Variants in USH2A observed in about 807,000 individuals in gnomAD.
USH2A encodes Usher syndrome 2A (autosomal recessive, mild).
Under a neutral mutation model 538.9 loss-of-function variants are expected in USH2A, and 443 were observed. The observed-to-expected ratio is 0.82, with a 90% CI of 0.76 to 0.89. The LOEUF (loss-of-function observed/expected upper bound fraction) is 0.89, where lower values mean the gene tolerates loss of function less well. Among genes scored for constraint, USH2A ranks in the 40% least tolerant of loss-of-function variants. The pLI, the probability that USH2A is intolerant of heterozygous loss-of-function variation, is 0.00. For missense variants in USH2A, 6,633 were observed against 6,324.8 expected (o/e 1.05, Z -1.65); for synonymous variants, 2,413 against 2,273.5 (o/e 1.06, Z -1.75).
chr1:216,292,303 T>C lies in USH2A; in HGVS notation c.1712A>G (p.Asn571Ser), dbSNP rs372955644. ...GCTGTTGCATTGACAAGGTTTACAA[T>C]TGAAAGCGTAAACTTGATCACCTTG... The part of the protein sequence containing the change: ...FRQGDQVYAF[N>S]CKPCQCNSHS... The change falls in exon 10 of 72, where the codon AAT (asparagine) becomes AGT (serine). Residue 571 changes from asparagine to serine, a missense_variant. Physicochemically the swap from Asn to Ser is conservative, Grantham distance 46 (BLOSUM62 1). Transcript: ENST00000307340. 56 of 1,613,950 alleles carry C rather than the reference T, an allele frequency of 3.5e-5. 1 individual carries two copies. The South Asian group carries it at 4.1e-4, about 12-fold the overall frequency.
chr1:216,023,072 A>T (rs1405067329), intron 32 of USH2A, among the ~76,000 whole-genome samples: 1 of 152,168 alleles, frequency 6.6e-6, no homozygotes, highest in Admixed American at 6.5e-5. Flanking sequence ...CATCTACAGC[A>T]GGTGAGGGCA....
At chr1:215,954,413 A>G (rs1667009368) in intron 37 of USH2A, among the ~76,000 whole-genome samples, 1 of 152,038 alleles carries the variant, frequency 6.6e-6, no homozygotes, top group Non-Finnish European at 1.5e-5. Context: ...TGTACTTTGT[A>G]GGGACATAGA....
chr1:215,756,897 A>T (rs1282121108), intron 58 of USH2A, among the ~76,000 whole-genome samples: 1 of 151,818 alleles, frequency 6.6e-6, no homozygotes, highest in Non-Finnish European at 1.5e-5. Context: ...TGGGTGACAG[A>T]GAGAGAGACC....
intron 68 of USH2A, 82 bp downstream of exon 68, chr1:215,640,475 CT>C: frequency 6.4e-7 from 1 of 1,572,416 alleles, no homozygotes; most frequent in Non-Finnish European, 8.7e-7. Context: ...TGAGCATCTG[CT>C]GGTCAGCTTT....
At chr1:216,087,512 C>T (rs572649092) in intron 23 of USH2A, among the ~76,000 whole-genome samples, 20 of 152,154 alleles carry the variant, frequency 1.3e-4, no homozygotes, top group Non-Finnish European at 2.6e-4. Context: ...CAGGCTTGCT[C>T]GACATTAAGG....
intron 30 of USH2A, among the ~76,000 whole-genome samples, chr1:216,052,577 G>GT (rs1337138460): frequency 6.6e-6 from 1 of 152,064 alleles, no homozygotes; most frequent in Non-Finnish European, 1.5e-5. Context: ...CAAACCAACT[G>GT]ATAATTTTCC....
intron 21 of USH2A, among the ~76,000 whole-genome samples, chr1:216,119,671 T>A (rs1039505858): frequency 6.6e-6 from 1 of 152,148 alleles, no homozygotes; most frequent in Non-Finnish European, 1.5e-5. Context: ...TAAACAAAAT[T>A]GAGCATGTAT....
intron 61 of USH2A, among the ~76,000 whole-genome samples, chr1:215,690,726 T>C (rs1046173052): frequency 9.0e-5 from 6 of 66,416 alleles, no homozygotes; most frequent in African/African-American, 2.6e-4. Context: ...TTTGGATTCA[T>C]TTTCTCTTTT....
chr1:215,626,371 C>CCAGT (rs1197051281), intron 71 of USH2A, among the ~76,000 whole-genome samples: 1 of 150,830 alleles, frequency 6.6e-6, no homozygotes, highest in African/African-American at 2.4e-5. Context: ...ACCATGTTGG[C>CCAGT]CAGTCTGGTC....
At chr1:216,354,823 A>C (rs1202103131) in intron 4 of USH2A, among the ~76,000 whole-genome samples, 1 of 152,086 alleles carries the variant, frequency 6.6e-6, no homozygotes, top group African/African-American at 2.4e-5. Flanking sequence ...GGAAGCAAAA[A>C]AAGGAAAAAA....
chr1:215,826,265 G>T (rs1454611352), intron 47 of USH2A, among the ~76,000 whole-genome samples: 1 of 152,146 alleles, frequency 6.6e-6, no homozygotes, highest in African/African-American at 2.4e-5. Flanking sequence ...GGAATGTTCT[G>T]CTCTTTTGGC....
chr1:215,865,141 G>A (rs1664435640), intron 44 of USH2A, among the ~76,000 whole-genome samples: 1 of 152,138 alleles, frequency 6.6e-6, no homozygotes, highest in Non-Finnish European at 1.5e-5. Context: ...ACCTTTCACA[G>A]AGGATCGACT....
At chr1:216,164,830 C>A (rs2102631580) in intron 21 of USH2A, among the ~76,000 whole-genome samples, 1 of 152,232 alleles carries the variant, frequency 6.6e-6, no homozygotes, top group South Asian at 2.1e-4. Context: ...TTACAGAATG[C>A]TGGTCACAAA....
At chr1:216,197,306 A>T (rs1359441474) in intron 18 of USH2A, among the ~76,000 whole-genome samples, 1 of 152,132 alleles carries the variant, frequency 6.6e-6, no homozygotes, top group Non-Finnish European at 1.5e-5. Flanking sequence ...CTTTACAGGG[A>T]TTTTAAATGT....
chr1:216,133,464 A>G (rs2033418615), intron 21 of USH2A, among the ~76,000 whole-genome samples: 1 of 152,076 alleles, frequency 6.6e-6, no homozygotes, highest in African/African-American at 2.4e-5. Flanking sequence ...TCATGGTAGA[A>G]CTCAAAATAG....
At position 216,048,579 on chromosome 1, in the gene USH2A, A is replaced by C. The variant is rs878853412; in HGVS notation, c.6118T>G (p.Cys2040Gly). The C allele has an allele frequency of 2.0e-5, 33 of 1,614,144 alleles. No homozygotes were observed. Among genetic ancestry groups the C allele is most frequent in the Non-Finnish European group, 2.8e-5 (33 of 1,179,982 alleles). ...TTCAATGCATGTGAGCTCTCAGTACAGCCAGCCAAAGTGCAAGCAGTTAGG... is the reference window on the plus strand; with the variant it reads ...TTCAATGCATGTGAGCTCTCAGTACCGCCAGCCAAAGTGCAAGCAGTTAGG... Reference protein sequence around the residue: ...VTLTACTLAGCTESSHALNIS... With the variant: ...VTLTACTLAGGTESSHALNIS... The change falls in exon 31 of 72, where the codon TGT becomes GGT. Residue 2040 changes from cysteine (C) to glycine (G), a missense_variant. Physicochemically the swap from Cys to Gly is radical, Grantham distance 159. Transcript: ENST00000307340.
At chr1:215,803,001 C>T (rs1274407296) in intron 49 of USH2A, among the ~76,000 whole-genome samples, 2 of 152,092 alleles carry the variant, frequency 1.3e-5, no homozygotes, top group Non-Finnish European at 2.9e-5. Context: ...TAAACATAAT[C>T]CAGCATATAA....
At chr1:216,050,655 A>G (rs1175351786) in intron 30 of USH2A, among the ~76,000 whole-genome samples, 1 of 131,280 alleles carries the variant, frequency 7.6e-6, no homozygotes, top group Non-Finnish European at 1.5e-5. Flanking sequence ...CCCAGGCTGG[A>G]GTGCTGTGGT....
At chr1:216,411,819 C>A (rs2039495455) in intron 3 of USH2A, among the ~76,000 whole-genome samples, 1 of 152,132 alleles carries the variant, frequency 6.6e-6, no homozygotes, top group African/African-American at 2.4e-5. Flanking sequence ...GCCTCCAGAA[C>A]TCTTCAACAA....
Sources: gnomAD v4.1 joint callset for allele counts (sites outside exome capture counted in the v4.1 genomes callset) on GRCh38, gnomAD v4.1.1 for gene constraint, MANE v1.5 for transcripts, NCBI Gene and HGNC (gene_info 2026-07-23, HGNC 2026-07-21) for gene names.